The following LRP1B variants were observed in gnomAD, a reference collection of about 807,000 sequenced individuals.
LRP1B encodes the protein LDL receptor related protein 1B, also known as low-density lipoprotein receptor-related protein 1B.
A neutral mutation model predicts 556.6 loss-of-function variants in LRP1B; 217 were observed. That is an observed-to-expected ratio of 0.39 (90% CI 0.35 to 0.44). The LOEUF (loss-of-function observed/expected upper bound fraction) is 0.44, where lower values mean the gene tolerates loss of function less well. Ranked by LOEUF, LRP1B falls within the 20% of genes least tolerant of loss-of-function variation. The pLI, the probability that LRP1B is intolerant of heterozygous loss-of-function variation, is 1.00. For synonymous variants in LRP1B, 2,047 were observed against 1,865.8 expected, an observed-to-expected ratio of 1.10 and a Z score of -2.50; for missense variants, 5,053 against 5,620.8, an observed-to-expected ratio of 0.90 and a Z score of 3.23.
At chr2:140,808,841 T>A (rs1290319982) in intron 32 of LRP1B, among the ~76,000 whole-genome samples, 1 of 152,176 alleles carries the variant, frequency 6.6e-6, no homozygotes, top group Non-Finnish European at 1.5e-5. Context: ...TGTCCTTAAT[T>A]TTTATTTACC....
At position 141,688,205 on chromosome 2, in the gene LRP1B, T is replaced by TACAC. The variant is rs773794577; in HGVS notation, c.205+122070_205+122073dup. ...TAGTTCAAATTTGTACATATAAATATACACACACACACACACACCCCTATT... is the reference window on the plus strand; with the variant it reads ...TAGTTCAAATTTGTACATATAAATATACACACACACACACACACACACCCCTATT... On this transcript the variant is annotated intron_variant, in intron 2 of 90. Coordinates refer to ENST00000389484, the MANE Select transcript of LRP1B (RefSeq NM_018557.3). Among the ~76,000 whole-genome samples, 24 of 149,876 alleles carry TACAC rather than the reference T, an allele frequency of 1.6e-4. 1 individual carries two copies. Among genetic ancestry groups the TACAC allele is most frequent in the Non-Finnish European group, 3.0e-4 (20 of 67,150 alleles).
chr2:140,582,443 C>T (rs1002165180), intron 43 of LRP1B, among the ~76,000 whole-genome samples: 3 of 152,082 alleles, frequency 2.0e-5, no homozygotes, highest in South Asian at 2.1e-4. Flanking sequence ...TGCTACGGTT[C>T]GAATGTCTTC....
At chr2:140,275,294 C>CA (rs1277794567) in intron 84 of LRP1B, among the ~76,000 whole-genome samples, 1 of 152,060 alleles carries the variant, frequency 6.6e-6, no homozygotes, top group Admixed American at 6.6e-5. Context: ...AGAAGCTCGG[C>CA]AGTTGCCTTT....
chr2:140,979,279 G>C (rs755003339), intron 18 of LRP1B, among the ~76,000 whole-genome samples: 9 of 152,112 alleles, frequency 5.9e-5, no homozygotes, highest in Non-Finnish European at 1.2e-4. Context: ...ACACCTGGTC[G>C]TGAGAGCCTA....
At chr2:141,778,087 T>C (rs1189920525) in intron 2 of LRP1B, among the ~76,000 whole-genome samples, 1 of 152,116 alleles carries the variant, frequency 6.6e-6, no homozygotes, top group East Asian at 1.9e-4. Context: ...GAAAACCAAA[T>C]AGCATTGGGA....
intron 1 of LRP1B, among the ~76,000 whole-genome samples, chr2:141,979,007 C>G (rs1328658097): frequency 6.6e-6 from 1 of 151,064 alleles, no homozygotes; most frequent in East Asian, 1.9e-4. Flanking sequence ...TCTGGCAAAC[C>G]AATGGTCTAT....
At chr2:140,964,514 CTGATG>C (rs1417920280) in intron 18 of LRP1B, among the ~76,000 whole-genome samples, 1 of 151,916 alleles carries the variant, frequency 6.6e-6, no homozygotes, top group Non-Finnish European at 1.5e-5. Flanking sequence ...TTCCCAGACG[CTGATG>C]TCACCGCTAG....
At chr2:141,503,376 A>G (rs1342637535) in intron 2 of LRP1B, among the ~76,000 whole-genome samples, 1 of 151,408 alleles carries the variant, frequency 6.6e-6, no homozygotes, top group Non-Finnish European at 1.5e-5. Context: ...ACTACTTCTG[A>G]TATTCCACTT....
chr2:140,685,583 T>C (rs1309644342), intron 41 of LRP1B, among the ~76,000 whole-genome samples: 1 of 152,176 alleles, frequency 6.6e-6, no homozygotes, highest in Non-Finnish European at 1.5e-5. Flanking sequence ...GTTAAAACTT[T>C]CACATAGAGG....
chr2:141,532,578 T>A (rs980078129), intron 2 of LRP1B, among the ~76,000 whole-genome samples: 1 of 152,042 alleles, frequency 6.6e-6, no homozygotes, highest in Non-Finnish European at 1.5e-5. Flanking sequence ...AGTATTGTCA[T>A]CCTCCGGTAC....
intron 9 of LRP1B, among the ~76,000 whole-genome samples, chr2:141,057,688 G>T (rs140358584): frequency 6.6e-6 from 1 of 151,842 alleles, no homozygotes; most frequent in Non-Finnish European, 1.5e-5. Context: ...GCCTTCTGCT[G>T]TGATTGTGAG....
At chr2:142,060,710 A>G (rs1704874586) in intron 1 of LRP1B, among the ~76,000 whole-genome samples, 2 of 152,102 alleles carry the variant, frequency 1.3e-5, no homozygotes, top group African/African-American at 4.8e-5. Flanking sequence ...TTAAGAGAAT[A>G]CATATGAAAA....
intron 41 of LRP1B, among the ~76,000 whole-genome samples, chr2:140,657,787 A>G (rs1559036885): frequency 6.6e-6 from 1 of 151,802 alleles, no homozygotes; most frequent in Non-Finnish European, 1.5e-5. Context: ...TTAAAAACAA[A>G]AGAGCCTTTA....
intron 66 of LRP1B, among the ~76,000 whole-genome samples, chr2:140,418,261 ACTTT>A: frequency 6.6e-6 from 1 of 152,310 alleles, no homozygotes; most frequent in East Asian, 1.9e-4. Context: ...CTGAACCAGG[ACTTT>A]CTTTCTCCCA....
chr2:141,535,365 G>C (rs1220019912), intron 2 of LRP1B, among the ~76,000 whole-genome samples: 1 of 151,982 alleles, frequency 6.6e-6, no homozygotes, highest in African/African-American at 2.4e-5. Context: ...TATGGTATTA[G>C]TTCATGGCTA....
At chr2:140,654,627 A>G (rs1294888936) in intron 41 of LRP1B, among the ~76,000 whole-genome samples, 1 of 152,150 alleles carries the variant, frequency 6.6e-6, no homozygotes, top group Non-Finnish European at 1.5e-5. Flanking sequence ...GATGGGTTTT[A>G]TTACTAATTC....
At chr2:140,877,155 A>G (rs1693334927) in intron 25 of LRP1B, among the ~76,000 whole-genome samples, 1 of 152,182 alleles carries the variant, frequency 6.6e-6, no homozygotes. Flanking sequence ...TAGACAACTT[A>G]AACTTCAGAA....
At chr2:141,605,065 G>GTA (rs1687866324) in intron 2 of LRP1B, among the ~76,000 whole-genome samples, 2 of 151,944 alleles carry the variant, frequency 1.3e-5, no homozygotes, top group Non-Finnish European at 2.9e-5. Context: ...TTGCCAGCCA[G>GTA]AGGTTCCTGG....
intron 6 of LRP1B, among the ~76,000 whole-genome samples, chr2:141,221,767 A>G (rs300392): frequency 0.13 from 19,969 of 152,246 alleles, 1,454 homozygotes; most frequent in South Asian, 0.21. Flanking sequence ...TGCAAGATTA[A>G]GAAACTCACT....
Sources: gnomAD v4.1 joint callset for allele counts (sites outside exome capture counted in the v4.1 genomes callset) on GRCh38, gnomAD v4.1.1 for gene constraint, MANE v1.5 for transcripts, NCBI Gene and HGNC (gene_info 2026-07-23, HGNC 2026-07-21) for gene names.